The following XXYLT1 variants were observed in gnomAD, a reference collection of about 807,000 sequenced individuals.
XXYLT1 encodes the protein UDP-xylose:alpha-xyloside alpha-1,3-xylosyltransferase.
Under a neutral mutation model 28.9 loss-of-function variants are expected in XXYLT1, and 20 were observed. The observed-to-expected ratio is 0.69, with a 90% CI of 0.49 to 1.00. XXYLT1 has a LOEUF of 1.00. Among genes scored for constraint, XXYLT1 ranks in the 50% least tolerant of loss-of-function variants. The probability of loss-of-function intolerance (pLI) is 0.00; values close to 1 mark genes in which losing one functional copy is unlikely to be tolerated. For synonymous variants in XXYLT1, 257 were observed against 253.8 expected (o/e 1.01, Z -0.12); for missense variants, 542 against 560.1 (o/e 0.97, Z 0.33).
chr3:195,123,017 C>T (rs1377611540), intron 3 of XXYLT1, among the ~76,000 whole-genome samples: 3 of 152,180 alleles, frequency 2.0e-5, no homozygotes, highest in Non-Finnish European at 1.5e-5. Flanking sequence ...TCTCACTTTC[C>T]TACACTGAAA....
intron 1 of XXYLT1, among the ~76,000 whole-genome samples, chr3:195,247,236 G>T (rs1197646167): frequency 6.6e-6 from 1 of 152,230 alleles, no homozygotes; most frequent in Non-Finnish European, 1.5e-5. Context: ...GGCCGTTCCA[G>T]GATTTCACTG....
chr3:195,249,771 T>G (rs1432815884), intron 1 of XXYLT1, among the ~76,000 whole-genome samples: 1 of 152,098 alleles, frequency 6.6e-6, no homozygotes, highest in East Asian at 1.9e-4. Flanking sequence ...TCAAAAGAGG[T>G]AAACGTGTGG....
At chr3:195,110,323 G>GTGCGT (rs561073733) in intron 3 of XXYLT1, among the ~76,000 whole-genome samples, 3 of 17,044 alleles carry the variant, frequency 1.8e-4, no homozygotes, top group South Asian at 2.6e-3. Flanking sequence ...TGTGGGTGAG[G>GTGCGT]GTGAGGTGTG....
intron 3 of XXYLT1, chr3:195,121,974 A>T: frequency 1.4e-6 from 1 of 697,964 alleles, no homozygotes; most frequent in Non-Finnish European, 2.6e-6. Context: ...AAGCTATTAT[A>T]ACAAAGTACC....
chr3:195,270,727 T>C lies in XXYLT1; in HGVS notation c.332A>G (p.Asn111Ser), dbSNP rs763434171. The C allele has an allele frequency of 5.0e-6, 8 of 1,590,600 alleles. No individual in the cohort carries two copies. Among genetic ancestry groups the C allele is most frequent in the African/African-American group, 4.2e-5 (3 of 72,066 alleles). Residue 111 changes from asparagine to serine, a missense_variant, in exon 1 of 4, where the codon AAT (asparagine) becomes AGT (serine). Physicochemically the swap from Asn to Ser is conservative, Grantham distance 46 (BLOSUM62 1). Coordinates refer to ENST00000310380, the MANE Select transcript of XXYLT1 (RefSeq NM_152531.5). ...GCGGGCCTTGGCCTGCAGCGCGGCA[T>C]TGTGCTCCGCCTTGGTGAACATCAT... Reference protein sequence around the residue: ...LLMMFTKAEHNAALQAKARVA... With the variant: ...LLMMFTKAEHSAALQAKARVA...
chr3:195,216,696 G>T (rs1185484073), intron 2 of XXYLT1, among the ~76,000 whole-genome samples: 5 of 151,302 alleles, frequency 3.3e-5, no homozygotes, highest in Admixed American at 2.0e-4. Context: ...AAAGAGTCCA[G>T]CACCAGATGG....
At chr3:195,107,372 G>A (rs1346217189) in intron 3 of XXYLT1, among the ~76,000 whole-genome samples, 1 of 149,688 alleles carries the variant, frequency 6.7e-6, no homozygotes, top group Non-Finnish European at 1.5e-5. Flanking sequence ...TACTCAGGAG[G>A]CTGAGGGAGG....
intron 1 of XXYLT1, among the ~76,000 whole-genome samples, chr3:195,234,089 T>TA (rs1022581310): frequency 6.6e-6 from 1 of 151,394 alleles, no homozygotes; most frequent in Non-Finnish European, 1.5e-5. Flanking sequence ...GCTAATTTTT[T>TA]TTTTTTTTTA....
At chr3:195,138,874 A>AAAAG (rs1189347937) in intron 3 of XXYLT1, among the ~76,000 whole-genome samples, 87 of 150,302 alleles carry the variant, frequency 5.8e-4, no homozygotes, top group African/African-American at 1.2e-3. Flanking sequence ...AAAAAAAAAA[A>AAAAG]AAAGAAAGAA....
chr3:195,143,855 GATAT>G (rs1311963025), intron 3 of XXYLT1, among the ~76,000 whole-genome samples: 4,133 of 74,996 alleles, frequency 0.055, 456 homozygotes, highest in African/African-American at 0.19. Context: ...TATATATATA[GATAT>G]ATATAGATAT....
chr3:195,100,580 T>C (rs1038365519), intron 3 of XXYLT1, among the ~76,000 whole-genome samples: 1 of 151,628 alleles, frequency 6.6e-6, no homozygotes, highest in Non-Finnish European at 1.5e-5. Context: ...CCTCCTCCTC[T>C]CTCCCTGGCA....
intron 2 of XXYLT1, among the ~76,000 whole-genome samples, chr3:195,196,392 G>A (rs180886118): frequency 7.2e-4 from 110 of 152,232 alleles, no homozygotes; most frequent in Non-Finnish European, 1.3e-3. Flanking sequence ...CAGCCTACAG[G>A]GTCCTGCCTC....
At chr3:195,108,944 A>G (rs73206633) in intron 3 of XXYLT1, among the ~76,000 whole-genome samples, 16,998 of 152,242 alleles carry the variant, frequency 0.11, 1,062 homozygotes, top group East Asian at 0.25. Flanking sequence ...TAATTAAGGC[A>G]GCTATTATCT....
intron 3 of XXYLT1, among the ~76,000 whole-genome samples, chr3:195,097,610 G>T (rs375214561): frequency 6.7e-4 from 102 of 152,308 alleles, no homozygotes; most frequent in Middle Eastern, 6.8e-3. Context: ...CTAGTAAGTG[G>T]TGAGGTCTGG....
chr3:195,197,335 G>A (rs956875660), intron 2 of XXYLT1, among the ~76,000 whole-genome samples: 2 of 152,016 alleles, frequency 1.3e-5, no homozygotes, highest in Non-Finnish European at 2.9e-5. Flanking sequence ...TACTCGGGAG[G>A]CTGAGGCACA....
chr3:195,158,625 AG>A (rs745509583), intron 2 of XXYLT1, among the ~76,000 whole-genome samples: 7 of 152,246 alleles, frequency 4.6e-5, no homozygotes, highest in Non-Finnish European at 7.3e-5. Context: ...CCGACTAGGA[AG>A]GAGACAGGCG....
chr3:195,232,173 A>G (rs1228510186), intron 1 of XXYLT1, among the ~76,000 whole-genome samples: 1 of 152,148 alleles, frequency 6.6e-6, no homozygotes, highest in Non-Finnish European at 1.5e-5. Context: ...ATTGGTATAT[A>G]GTTGTTCACA....
intron 2 of XXYLT1, among the ~76,000 whole-genome samples, chr3:195,179,529 T>A (rs1721844769): frequency 6.6e-6 from 1 of 151,874 alleles, no homozygotes; most frequent in Non-Finnish European, 1.5e-5. Flanking sequence ...CTATTTACAC[T>A]CAACTTGAAC....
intron 2 of XXYLT1, chr3:195,183,769 C>T (rs1273790078): frequency 2.0e-5 from 3 of 152,274 alleles, no homozygotes; most frequent in African/African-American, 2.4e-5. Context: ...TGTTACCCAC[C>T]CTGGTCCCCA....
Sources: gnomAD v4.1 joint callset for allele counts (sites outside exome capture counted in the v4.1 genomes callset) on GRCh38, gnomAD v4.1.1 for gene constraint, MANE v1.5 for transcripts, NCBI Gene and HGNC (gene_info 2026-07-23, HGNC 2026-07-21) for gene names.